The following ARHGAP15 variants were observed in gnomAD, a reference collection of about 807,000 sequenced individuals.
The protein encoded by ARHGAP15 is Rho GTPase activating protein 15, also known as rho GTPase-activating protein 15.
In ARHGAP15, 51 loss-of-function variants were observed where a neutral mutation model predicts 63.7. The ratio of observed to expected loss-of-function variants is 0.80; its 90% CI spans 0.64 to 1.01. The LOEUF is 1.01. Ranked by LOEUF, ARHGAP15 falls within the 50% of genes least tolerant of loss-of-function variation. The pLI, the probability that ARHGAP15 is intolerant of heterozygous loss-of-function variation, is 0.00. For missense variants in ARHGAP15, 560 were observed against 564.6 expected (o/e 0.99, Z 0.08); for synonymous variants, 191 against 193.8 (o/e 0.99, Z 0.12).
chr2:143,606,035 C>CAAAAAAAAAAAAAAAAAAAA lies in ARHGAP15; in HGVS notation c.1004-18082_1004-18063dup, dbSNP rs869266541. 2.2e-4 allele frequency among the ~76,000 whole-genome samples: 5 copies of CAAAAAAAAAAAAAAAAAAAA among 22,870 alleles called. 1 individual carries two copies. The highest frequency in any genetic ancestry group is 3.5e-4 in the Non-Finnish European group (5 of 14,376). 15.0% of individuals were successfully genotyped at this position (22,870 alleles called of 152,430 possible). ...TGGGCGCCAGAGCAAGACTCTGTCT[C>CAAAAAAAAAAAAAAAAAAAA]AAAAAAAAAAAAAAAAAAAAAAAAA... is the stretch of plus-strand genomic sequence containing the variant. On this transcript the variant is annotated intron_variant, in intron 11 of 13. Transcript: ENST00000295095.
At chr2:143,706,755 AC>A (rs1382261411) in intron 13 of ARHGAP15, among the ~76,000 whole-genome samples, 2 of 152,190 alleles carry the variant, frequency 1.3e-5, no homozygotes, top group Middle Eastern at 3.2e-3. Flanking sequence ...ATAGCTTAAG[AC>A]CAGGAATTCG....
At chr2:143,338,413 G>GA (rs1684903666) in intron 6 of ARHGAP15, among the ~76,000 whole-genome samples, 1 of 152,130 alleles carries the variant, frequency 6.6e-6, no homozygotes, top group African/African-American at 2.4e-5. Context: ...TATTGTCAAG[G>GA]AGCAAAACTA....
chr2:143,338,953 A>C (rs572308293), intron 6 of ARHGAP15, among the ~76,000 whole-genome samples: 1 of 152,166 alleles, frequency 6.6e-6, no homozygotes, highest in Non-Finnish European at 1.5e-5. Context: ...TCTTTCCACT[A>C]TGTCATTCTA....
chr2:143,575,345 A>G (rs1384812577), intron 11 of ARHGAP15, among the ~76,000 whole-genome samples: 3 of 152,194 alleles, frequency 2.0e-5, no homozygotes, highest in Non-Finnish European at 4.4e-5. Flanking sequence ...TCAACTAGAC[A>G]GAGCTGAGAC....
Position 143,373,654 on chromosome 2 carries a change from A to C in ARHGAP15, c.475-61947A>C, listed in dbSNP as rs868808065. Among the ~76,000 whole-genome samples the C allele has an allele frequency of 2.8e-3, 427 of 150,894 alleles. 6 individuals carry two copies. The highest frequency in any genetic ancestry group is 9.9e-3 in the African/African-American group (410 of 41,208). ...CAAAAAAAAAAAAAAAAAAAAAAAA[A>C]AAAAAACACAGAAATGTCTCAAGCA... On this transcript the variant is annotated intron_variant, in intron 6 of 13. Transcript: ENST00000295095.
intron 12 of ARHGAP15, among the ~76,000 whole-genome samples, chr2:143,633,818 C>G (rs970619192): frequency 2.0e-5 from 3 of 152,118 alleles, no homozygotes; most frequent in Admixed American, 6.6e-5. Context: ...GGGAGGCCTT[C>G]TATCCTACAC....
chr2:143,230,649 G>A (rs954999125), intron 5 of ARHGAP15, among the ~76,000 whole-genome samples: 32 of 152,184 alleles, frequency 2.1e-4, no homozygotes, highest in African/African-American at 6.5e-4. Context: ...TTATGTTTGT[G>A]CTGCATGAAT....
At chr2:143,228,792 A>G in intron 5 of ARHGAP15, 124 bp downstream of exon 5, 1 of 607,916 alleles carries the variant, frequency 1.6e-6, no homozygotes, top group East Asian at 3.1e-5. Context: ...CAGATGGAGA[A>G]AATGACTCAA....
At chr2:143,596,893 G>T (rs1697539064) in intron 11 of ARHGAP15, among the ~76,000 whole-genome samples, 1 of 152,070 alleles carries the variant, frequency 6.6e-6, no homozygotes, top group South Asian at 2.1e-4. Context: ...AGGTATCTAT[G>T]TATCTTCACA....
rs576715636 is a variant in ARHGAP15, at chr2:143,744,838, G to A, written c.1245-23151G>A. On this transcript the variant is annotated intron_variant, in intron 13 of 13. Transcript: ENST00000295095. ...GACTATAAAATCAACAAAATATAGG[G>A]AGGGAGAAAATGTACATCCGTTGGG... Among the ~76,000 whole-genome samples the A allele has an allele frequency of 5.9e-5, 9 of 152,266 alleles. No individual in the cohort carries two copies. The East Asian group carries it at 1.5e-3, about 26-fold the overall frequency.
At chr2:143,624,411 G>A in intron 12 of ARHGAP15, 144 bp downstream of exon 12, 1 of 950,084 alleles carries the variant, frequency 1.1e-6, no homozygotes, top group Non-Finnish European at 1.4e-6. Flanking sequence ...TCGTTTTTGT[G>A]TTTTGATGGC....
At chr2:143,183,693 TTC>T (rs1368750668) in intron 2 of ARHGAP15, among the ~76,000 whole-genome samples, 1 of 151,358 alleles carries the variant, frequency 6.6e-6, no homozygotes, top group Non-Finnish European at 1.5e-5. Flanking sequence ...ACCCAGAGAT[TTC>T]TTTGTTTTGG....
intron 2 of ARHGAP15, among the ~76,000 whole-genome samples, chr2:143,163,803 GGGC>G (rs1558786142): frequency 6.6e-6 from 1 of 152,084 alleles, no homozygotes; most frequent in Non-Finnish European, 1.5e-5. Flanking sequence ...ATATAAGTGG[GGGC>G]GGCGGTGTGT....
At chr2:143,388,613 T>TATAC (rs772022529) in intron 6 of ARHGAP15, among the ~76,000 whole-genome samples, 30 of 152,130 alleles carry the variant, frequency 2.0e-4, no homozygotes, top group South Asian at 2.1e-4. Flanking sequence ...ATGTATAAAC[T>TATAC]ATACATACAT....
Position 143,754,287 on chromosome 2 carries a change from A to T in ARHGAP15, c.1245-13702A>T, listed in dbSNP as rs140992601. 9.8e-3 allele frequency among the ~76,000 whole-genome samples: 1,487 copies of T among 152,328 alleles called. 13 individuals are homozygous for T. The highest frequency in any genetic ancestry group is 0.014 in the Non-Finnish European group (980 of 68,018). On this transcript the variant is annotated intron_variant, in intron 13 of 13. Transcript: ENST00000295095. ...AGTCTATGGATACAGCACTAAGCAA[A>T]AACAGATAAAGTCCTTGTGCTTACG... is the stretch of plus-strand genomic sequence containing the variant.
chr2:143,166,013 G>GGAAGGAA (rs1690507008), intron 2 of ARHGAP15, among the ~76,000 whole-genome samples: 1 of 84,096 alleles, frequency 1.2e-5, no homozygotes, highest in African/African-American at 4.1e-5. Context: ...AAGGAAGGAA[G>GGAAGGAA]GAAAAAAAGA....
intron 11 of ARHGAP15, among the ~76,000 whole-genome samples, chr2:143,569,208 T>C (rs1332759039): frequency 6.6e-6 from 1 of 152,130 alleles, no homozygotes; most frequent in African/African-American, 2.4e-5. Flanking sequence ...AAATGAAGAC[T>C]TCAAATGGGG....
chr2:143,738,911 G>A (rs1685856881), intron 13 of ARHGAP15, among the ~76,000 whole-genome samples: 1 of 152,182 alleles, frequency 6.6e-6, no homozygotes, highest in South Asian at 2.1e-4. Context: ...CGAAAACAAG[G>A]TCAGGTGTCC....
intron 10 of ARHGAP15, among the ~76,000 whole-genome samples, chr2:143,554,545 A>G (rs1486512318): frequency 1.3e-5 from 2 of 152,172 alleles, no homozygotes; most frequent in South Asian, 2.1e-4. Flanking sequence ...ACACACTTGA[A>G]TGTACAATTT....
Sources: gnomAD v4.1 joint callset for allele counts (sites outside exome capture counted in the v4.1 genomes callset) on GRCh38, gnomAD v4.1.1 for gene constraint, MANE v1.5 for transcripts, NCBI Gene and HGNC (gene_info 2026-07-23, HGNC 2026-07-21) for gene names.